SCD: variants seen among roughly 807,000 people sequenced by gnomAD.
SCD encodes the protein acyl-CoA desaturase.
Under a neutral mutation model 35.7 loss-of-function variants are expected in SCD, and 4 were observed. That is an observed-to-expected ratio of 0.11 (90% CI 0.06 to 0.26). SCD has a LOEUF of 0.26. Ranked by LOEUF, SCD falls within the 10% of genes least tolerant of loss-of-function variation. SCD has a pLI of 1.00. For missense variants in SCD, 282 were observed against 460.7 expected (o/e 0.61, Z 3.55); for synonymous variants, 150 against 170.2 (o/e 0.88, Z 0.92).
At chr10:100,357,471 CCCTCTTGTCT>C (rs1589699736) in intron 5 of SCD, among the ~76,000 whole-genome samples, 1 of 152,140 alleles carries the variant, frequency 6.6e-6, no homozygotes, top group African/African-American at 2.4e-5. Context: ...CTACCACCTA[CCCTCTTGTCT>C]CCTCTTGTCC....
At position 100,356,727 on chromosome 10, in the gene SCD, C is replaced by T. The variant is rs201422470; in HGVS notation, c.843C>T (p.Ser281=). 8.7e-6 allele frequency: 14 copies of T among 1,614,192 alleles called. No homozygotes were observed. The highest frequency in any genetic ancestry group is 5.3e-5 in the African/African-American group (4 of 75,050). The change falls in exon 5 of 6, where the codon AGC becomes AGT. Residue 281 remains serine, a synonymous_variant. Transcript: ENST00000370355. This position sits in a 1 kb window ranked among gnomAD's most constrained non-coding sequence, Gnocchi z 4.1. ...ATCGTCCTTATGACAAGAACATTAG[C>T]CCCCGGGAGAATATCCTGGTTTCAC... The part of the protein sequence containing the change: ...FGYRPYDKNI[S]PRENILVSLG...
intron 2 of SCD, among the ~76,000 whole-genome samples, chr10:100,350,718 C>T (rs539464776): frequency 3.9e-5 from 6 of 152,296 alleles, no homozygotes; most frequent in African/African-American, 1.4e-4. Context: ...CAACACTGCC[C>T]TAGGGTCTTG....
In SCD at chr10:100,362,635, T is replaced by G. The variant is rs1049603378; in HGVS notation, c.*1702T>G. On this transcript the variant is annotated 3_prime_UTR_variant, in exon 6 of 6. Transcript: ENST00000370355. ...CAGCTCCCTCCTGCACACAGAATGC[T>G]CAGGGTCACTGAACCACTGCTTCTC... is the stretch of plus-strand genomic sequence containing the variant. 6.6e-6 allele frequency: 1 copy of G among 152,250 alleles called. No homozygotes were observed. Among genetic ancestry groups the G allele is most frequent in the African/African-American group, 2.4e-5 (1 of 41,446 alleles). The allele number at this position is 152,250 out of a possible 1,614,324, so 9.4% of individuals were successfully genotyped here.
chr10:100,352,539 T>G lies in SCD; in HGVS notation c.441+43T>G. On this transcript the variant is annotated intron_variant, in intron 3 of 5. Coordinates refer to ENST00000370355, the MANE Select transcript of SCD (RefSeq NM_005063.5). This position sits in a 1 kb window ranked among gnomAD's most constrained non-coding sequence, Gnocchi z 4.2. The stretch of plus-strand genomic sequence containing the variant: ...CTCAGCTGTTTGTCCTCCACACTAT[T>G]AATGATCCGGGGACAGAAAGGAGGG... 1.3e-6 allele frequency: 2 copies of G among 1,594,022 alleles called. No homozygotes were observed. The highest frequency in any genetic ancestry group is 1.7e-6 in the Non-Finnish European group (2 of 1,167,178).
At chr10:100,358,753 A>G (rs1293803569) in intron 5 of SCD, among the ~76,000 whole-genome samples, 2 of 148,532 alleles carry the variant, frequency 1.3e-5, no homozygotes, top group African/African-American at 4.9e-5. Flanking sequence ...TACTTAAAAA[A>G]AAAAAAAAAA....
chr10:100,362,866 C>T lies in SCD; in HGVS notation c.*1933C>T, dbSNP rs985526007. On this transcript the variant is annotated 3_prime_UTR_variant, in exon 6 of 6. Transcript: ENST00000370355. The stretch of plus-strand genomic sequence containing the variant: ...GCTCATGTTGAGCCAGTGGGCCAGC[C>T]ACAGAGCAAAAGAGGGTTTATTTTC... The T allele has an allele frequency of 6.6e-6, 1 of 152,254 alleles. No individual in the cohort carries two copies. Among genetic ancestry groups the T allele is most frequent in the African/African-American group, 2.4e-5 (1 of 41,462 alleles). The allele number at this position is 152,254 out of a possible 1,614,324, so 9.4% of individuals were successfully genotyped here. A position where few individuals can be genotyped will look rare whatever the true frequency, so the allele number is the denominator to read the frequency against.
chr10:100,360,756 C>T lies in SCD; in HGVS notation c.903C>T (p.His301=), dbSNP rs1383183910. 6.2e-7 allele frequency: 1 copy of T among 1,614,008 alleles called. No homozygotes were observed. Among genetic ancestry groups the T allele is most frequent in the Admixed American group, 1.7e-5 (1 of 60,016 alleles). The change falls in exon 6 of 6, where the codon CAC becomes CAT. Residue 301 remains histidine, a synonymous_variant. Coordinates refer to ENST00000370355, the MANE Select transcript of SCD (RefSeq NM_005063.5). ...CAGGTGAGGGCTTCCACAACTACCACCACTCCTTTCCCTATGACTACTCTG... is the reference window on the plus strand; with the variant it reads ...CAGGTGAGGGCTTCCACAACTACCATCACTCCTTTCCCTATGACTACTCTG... ...GAVGEGFHNY[H]HSFPYDYSAS...
Position 100,356,167 on chromosome 10 carries a change from C to T in SCD, c.648-365C>T, listed in dbSNP as rs1052612744. Among the ~76,000 whole-genome samples, 1 of 152,028 alleles carries T rather than the reference C, an allele frequency of 6.6e-6. No individual in the cohort carries two copies. Among genetic ancestry groups the T allele is most frequent in the Admixed American group, 6.5e-5 (1 of 15,272 alleles). On this transcript the variant is annotated intron_variant, in intron 4 of 5. Transcript: ENST00000370355. The surrounding 1 kb of genome is among the most constrained non-coding windows in gnomAD (Gnocchi z 4.1). ...GAGGCGGGAGGATTGCTGGAAAGTT[C>T]AGGCATTCGAGACCAGCCTGGGCAA...
Position 100,356,850 on chromosome 10 carries a change from G to GT in SCD, c.880+92dup, listed in dbSNP as rs1467450864. 1 of 1,040,370 alleles carries GT rather than the reference G, an allele frequency of 9.6e-7. No homozygotes were observed. The highest frequency in any genetic ancestry group is 1.4e-6 in the Non-Finnish European group (1 of 691,708). 64.4% of individuals were successfully genotyped at this position (1,040,370 alleles called of 1,614,324 possible). On this transcript the variant is annotated intron_variant, in intron 5 of 5. Coordinates refer to ENST00000370355, the MANE Select transcript of SCD (RefSeq NM_005063.5). The surrounding 1 kb of genome is among the most constrained non-coding windows in gnomAD (Gnocchi z 4.1). ...GGAGCCAGAAAAACTAGATAAATCTGTTTTTTATGGCTACTTTGTATCTCA... is the reference window on the plus strand; with the variant it reads ...GGAGCCAGAAAAACTAGATAAATCTGTTTTTTTATGGCTACTTTGTATCTCA...
rs894573849 is a variant in SCD, at chr10:100,361,048, T to C, written c.*115T>C. On this transcript the variant is annotated 3_prime_UTR_variant, in exon 6 of 6. Transcript: ENST00000370355. The stretch of plus-strand genomic sequence containing the variant: ...TGCTAAAGATGATGATGTTAACCCA[T>C]TCCAGTACAGTATTCTTTTAAAATT... The C allele has an allele frequency of 1.2e-6, 1 of 846,426 alleles. No individual in the cohort carries two copies. Among genetic ancestry groups the C allele is most frequent in the African/African-American group, 1.7e-5 (1 of 58,552 alleles). 52.4% of individuals were successfully genotyped at this position (846,426 alleles called of 1,614,324 possible).
At chr10:100,347,709 CAACTTT>C (rs1849814817) in intron 1 of SCD, among the ~76,000 whole-genome samples, 178 bp downstream of exon 1, 1 of 152,192 alleles carries the variant, frequency 6.6e-6, no homozygotes. Context: ...CTTGAGTCTC[CAACTTT>C]AGTTTCTTAA....
rs1401615412 is a variant in SCD at position 100,352,451 on chromosome 10, G to A, written c.396G>A (p.Leu132=). The A allele has an allele frequency of 1.9e-6, 3 of 1,614,072 alleles. No homozygotes were observed. The highest frequency in any genetic ancestry group is 2.5e-6 in the Non-Finnish European group (3 of 1,180,008). The part of the protein sequence containing the change: ...LWSHRSYKAR[L]PLRLFLIIAN... ...GCCACCGCTCTTACAAAGCTCGGCT[G>A]CCCCTACGGCTCTTTCTGATCATTG... Residue 132 remains leucine (L), a synonymous_variant, in exon 3 of 6, where the codon CTG becomes CTA. Transcript: ENST00000370355. The surrounding 1 kb of genome is among the most constrained non-coding windows in gnomAD (Gnocchi z 4.2).
intron 5 of SCD, among the ~76,000 whole-genome samples, chr10:100,358,549 G>A (rs1432823109): frequency 7.2e-6 from 1 of 139,772 alleles, no homozygotes; most frequent in African/African-American, 2.7e-5. Flanking sequence ...CCGAGATTCC[G>A]CCACTGCAGT....
chr10:100,347,879 G>A (rs1849817408), intron 1 of SCD, among the ~76,000 whole-genome samples, 185 bp from the exon 2 acceptor site: 1 of 151,978 alleles, frequency 6.6e-6, no homozygotes, highest in Non-Finnish European at 1.5e-5. Flanking sequence ...CGCCCCTAAT[G>A]TATCTGTACA....
Position 100,352,528 on chromosome 10 carries a change from C to T in SCD, c.441+32C>T, listed in dbSNP as rs1849883031. ...AGTTGTCTCTGCTCAGCTGTTTGTC[C>T]TCCACACTATTAATGATCCGGGGAC... On this transcript the variant is annotated intron_variant, in intron 3 of 5. Transcript: ENST00000370355. This position sits in a 1 kb window ranked among gnomAD's most constrained non-coding sequence, Gnocchi z 4.2. The T allele has an allele frequency of 1.9e-6, 3 of 1,606,508 alleles. No individual in the cohort carries two copies. The highest frequency in any genetic ancestry group is 3.3e-5 in the Admixed American group (2 of 59,950).
chr10:100,350,994 A>G (rs1849866196), intron 2 of SCD, among the ~76,000 whole-genome samples: 1 of 152,122 alleles, frequency 6.6e-6, no homozygotes, highest in Non-Finnish European at 1.5e-5. Flanking sequence ...TGGGGGGAAA[A>G]GGAGGTTGTT....
At chr10:100,349,067 C>T (rs1849842763) in intron 2 of SCD, among the ~76,000 whole-genome samples, 2 of 152,196 alleles carry the variant, frequency 1.3e-5, no homozygotes, top group African/African-American at 2.4e-5. Context: ...CTTCAGGCCC[C>T]CCTACTGATG....
In SCD at chr10:100,363,926, A is replaced by C. The variant is rs1300233851; in HGVS notation, c.*2993A>C. The C allele has an allele frequency of 6.6e-6, 1 of 152,592 alleles. No homozygotes were observed. The highest frequency in any genetic ancestry group is 1.9e-4 in the East Asian group (1 of 5,194). The allele number at this position is 152,592 out of a possible 1,614,324, so 9.5% of individuals were successfully genotyped here. On this transcript the variant is annotated 3_prime_UTR_variant, in exon 6 of 6. Coordinates refer to ENST00000370355, the MANE Select transcript of SCD (RefSeq NM_005063.5). Reference sequence around the variant, plus strand: ...ATGAGCCTGCCCTCACTCCCTCTGCAGAATCCCTTTGCACCTGAGACCCTA... The same window carrying C: ...ATGAGCCTGCCCTCACTCCCTCTGCCGAATCCCTTTGCACCTGAGACCCTA...
chr10:100,347,468 G>A lies in SCD; in HGVS notation c.-37G>A, dbSNP rs779082208. 1.2e-6 allele frequency: 2 copies of A among 1,612,436 alleles called. No homozygotes were observed. The highest frequency in any genetic ancestry group is 1.7e-5 in the Admixed American group (1 of 59,876). Reference sequence around the variant, plus strand: ...CCCCGAACTCCGCTCCGGAGCCTCAGCCCCCTGGAAAGTGATCCCGGCATC... The same window carrying A: ...CCCCGAACTCCGCTCCGGAGCCTCAACCCCCTGGAAAGTGATCCCGGCATC... On this transcript the variant is annotated 5_prime_UTR_variant, in exon 1 of 6. Coordinates refer to ENST00000370355, the MANE Select transcript of SCD (RefSeq NM_005063.5).
Sources: gnomAD v4.1 joint callset for allele counts (sites outside exome capture counted in the v4.1 genomes callset) on GRCh38, gnomAD v4.1.1 for gene constraint, Gnocchi (gnomAD v3.1) non-coding constraint, MANE v1.5 for transcripts, NCBI Gene and HGNC (gene_info 2026-07-23, HGNC 2026-07-21) for gene names.